IDI2: variants seen among roughly 807,000 people sequenced by gnomAD.
The protein encoded by IDI2 is isopentenyl-diphosphate delta isomerase 2.
A neutral mutation model predicts 14.8 loss-of-function variants in IDI2; 18 were observed. The ratio of observed to expected loss-of-function variants is 1.22; its 90% CI spans 0.84 to 1.80. IDI2 has a LOEUF of 1.80. Ranked by LOEUF, IDI2 falls within the 40% of genes most tolerant of loss-of-function variation. IDI2 has a pLI of 0.00. For synonymous variants in IDI2, 133 were observed against 109.6 expected, an observed-to-expected ratio of 1.21 and a Z score of -1.33; for missense variants, 316 against 283.2, an observed-to-expected ratio of 1.12 and a Z score of -0.83.
In IDI2 at chr10:1,019,937, C is replaced by T. The variant is rs1832062281; in HGVS notation, c.367-103G>A. On this transcript the variant is annotated intron_variant, in intron 4 of 4. Transcript: ENST00000277517. ...ACATTTGTTTTCCTCAGAAAATGAA[C>T]ACTTTCTTTGGTAATTGATAATTTC... 4.3e-6 allele frequency: 4 copies of T among 930,404 alleles called. No individual in the cohort carries two copies. In the South Asian group the frequency reaches 6.6e-5, roughly 15 times the overall value. 57.6% of individuals were successfully genotyped at this position (930,404 alleles called of 1,614,324 possible). A position where few individuals can be genotyped will look rare whatever the true frequency, so the allele number is the denominator to read the frequency against.
At chr10:1,023,836 C>T (rs1430356969) in intron 2 of IDI2, among the ~76,000 whole-genome samples, 1 of 152,132 alleles carries the variant, frequency 6.6e-6, no homozygotes, top group African/African-American at 2.4e-5. Flanking sequence ...GTTCCCAACA[C>T]AAAGATATGA....
At chr10:1,022,834 C>T (rs548551524) in intron 2 of IDI2, 59 bp from the exon 3 acceptor site, 23 of 1,326,576 alleles carry the variant, frequency 1.7e-5, no homozygotes, top group South Asian at 9.5e-5. Flanking sequence ...GATTGTCCTT[C>T]GTGCTTTTTG....
intron 1 of IDI2, among the ~76,000 whole-genome samples, chr10:1,025,376 C>G (rs1260803201): frequency 1.3e-5 from 2 of 151,996 alleles, no homozygotes; most frequent in African/African-American, 2.4e-5. Flanking sequence ...CCTCTCTCTA[C>G]TAAAAAATAC....
At chr10:1,020,693 GGACT>G in intron 4 of IDI2, 70 bp downstream of exon 4, 1 of 1,451,856 alleles carries the variant, frequency 6.9e-7, no homozygotes, top group Non-Finnish European at 9.3e-7. Flanking sequence ...GATCCAGCCT[GGACT>G]TTGTTCACCG....
At chr10:1,024,350 G>C (rs1433821352) in intron 2 of IDI2, among the ~76,000 whole-genome samples, 4 of 152,200 alleles carry the variant, frequency 2.6e-5, no homozygotes, top group Non-Finnish European at 5.9e-5. Flanking sequence ...ATCTTACGAG[G>C]AAGAGCACGG....
intron 3 of IDI2, 50 bp downstream of exon 3, chr10:1,022,633 A>G (rs772691531): frequency 7.3e-7 from 1 of 1,366,198 alleles, no homozygotes; most frequent in South Asian, 1.2e-5. Flanking sequence ...CCTCCGGTCA[A>G]GTCACATGAG....
chr10:1,022,225 C>T (rs1832120537), intron 3 of IDI2, among the ~76,000 whole-genome samples: 1 of 150,364 alleles, frequency 6.7e-6, no homozygotes, highest in South Asian at 2.1e-4. Context: ...CGCCACTGCA[C>T]TCCAGCCTGG....
intron 3 of IDI2, 139 bp from the exon 4 acceptor site, chr10:1,021,036 G>A: frequency 1.1e-6 from 1 of 915,708 alleles, no homozygotes; most frequent in Non-Finnish European, 1.6e-6. Context: ...GTTTGTCATG[G>A]GCTCTCAGAG....
At chr10:1,025,010 C>CCCCACACACACACACA (rs1832188072) in intron 1 of IDI2, among the ~76,000 whole-genome samples, 1 of 145,058 alleles carries the variant, frequency 6.9e-6, no homozygotes, top group African/African-American at 2.5e-5. Context: ...CCCCGCCCCA[C>CCCCACACACACACACA]CACACACACA....
At chr10:1,025,307 A>C (rs1832197110) in intron 1 of IDI2, among the ~76,000 whole-genome samples, 1 of 152,112 alleles carries the variant, frequency 6.6e-6, no homozygotes, top group Non-Finnish European at 1.5e-5. Context: ...TGGGAGGCCG[A>C]GGTGGGAGGA....
At chr10:1,020,689 GC>G in intron 4 of IDI2, 77 bp downstream of exon 4, 1 of 1,429,546 alleles carries the variant, frequency 7.0e-7, no homozygotes, top group Non-Finnish European at 9.5e-7. Context: ...TGTAGATCCA[GC>G]CTGGACTTTG....
In IDI2 at chr10:1,025,803, C is replaced by G. The variant is rs1832207325; in HGVS notation, c.-22+13G>C. The G allele has an allele frequency of 6.6e-6, 1 of 152,072 alleles. No individual in the cohort carries two copies. Among genetic ancestry groups the G allele is most frequent in the African/African-American group, 2.4e-5 (1 of 41,402 alleles). The allele number at this position is 152,072 out of a possible 1,614,324, so 9.4% of individuals were successfully genotyped here. A position where few individuals can be genotyped will look rare whatever the true frequency, so the allele number is the denominator to read the frequency against. On this transcript the variant is annotated intron_variant, in intron 1 of 4. Transcript: ENST00000277517. ...AAGAAAGAATTCCCACAAGGTAAAA[C>G]ATATGCACTAACCTCTCTTGGAAGC...
chr10:1,022,409 C>T (rs1196857306), intron 3 of IDI2, among the ~76,000 whole-genome samples: 1 of 152,102 alleles, frequency 6.6e-6, no homozygotes, highest in African/African-American at 2.4e-5. Flanking sequence ...TGATAAATTC[C>T]TCTGCATTTA....
At chr10:1,019,947 G>T in intron 4 of IDI2, 113 bp from the exon 5 acceptor site, 2 of 862,466 alleles carry the variant, frequency 2.3e-6, no homozygotes, top group Non-Finnish European at 3.6e-6. Context: ...CACTTTCTTT[G>T]GTAATTGATA....
chr10:1,019,222 A>G lies in IDI2; in HGVS notation c.*295T>C. ...GCTTCAGGACTCTCAAGATCTCCCC[A>G]AGACTTTCAGGATCAGCTGCTGTTA... is the stretch of plus-strand genomic sequence containing the variant. On this transcript the variant is annotated 3_prime_UTR_variant, in exon 5 of 5. Coordinates refer to ENST00000277517, the MANE Select transcript of IDI2 (RefSeq NM_033261.3). 3.2e-6 allele frequency: 1 copy of G among 316,242 alleles called. No individual in the cohort carries two copies. Among genetic ancestry groups the G allele is most frequent in the East Asian group, 7.5e-5 (1 of 13,332 alleles). 19.6% of individuals were successfully genotyped at this position (316,242 alleles called of 1,614,324 possible).
intron 3 of IDI2, 47 bp downstream of exon 3, chr10:1,022,636 C>T: frequency 7.2e-7 from 1 of 1,397,994 alleles, no homozygotes; most frequent in East Asian, 2.3e-5. Context: ...CCGGTCAAGT[C>T]ACATGAGATG....
chr10:1,022,862 G>C, intron 2 of IDI2, 87 bp from the exon 3 acceptor site: 3 of 1,011,830 alleles, frequency 3.0e-6, no homozygotes, highest in Non-Finnish European at 3.1e-6. Context: ...TCTGTTTCTC[G>C]TAGAAAAGCC....
chr10:1,022,122 G>A (rs564545062), intron 3 of IDI2, among the ~76,000 whole-genome samples: 29 of 152,264 alleles, frequency 1.9e-4, no homozygotes, highest in African/African-American at 6.5e-4. Flanking sequence ...ACCCGGGTGT[G>A]GTGGCGGGCG....
Position 1,024,620 on chromosome 10 carries a change from G to A in IDI2, c.104C>T (p.Thr35Ile). 1 of 1,614,110 alleles carries A rather than the reference G, an allele frequency of 6.2e-7. No individual in the cohort carries two copies. Among genetic ancestry groups the A allele is most frequent in the Non-Finnish European group, 8.5e-7 (1 of 1,180,014 alleles). The part of the protein sequence containing the change: ...DENDKVIGAD[T>I]KRNCHLNENI... ...TTCGTTCAGATGGCAATTCCTCTTG[G>A]TGTCGGCACCAATAACCTTATCATT... The change falls in exon 2 of 5, where the codon ACC becomes ATC. Residue 35 changes from threonine to isoleucine, a missense_variant. Coordinates refer to ENST00000277517, the MANE Select transcript of IDI2 (RefSeq NM_033261.3).
Sources: gnomAD v4.1 joint callset for allele counts (sites outside exome capture counted in the v4.1 genomes callset) on GRCh38, gnomAD v4.1.1 for gene constraint, MANE v1.5 for transcripts, NCBI Gene and HGNC (gene_info 2026-07-23, HGNC 2026-07-21) for gene names.